The following NGFR variants were observed in gnomAD, a reference collection of about 807,000 sequenced individuals.
NGFR encodes nerve growth factor receptor, also known as tumor necrosis factor receptor superfamily member 16.
NGFR carries 30 observed loss-of-function variants against 43.2 expected under a neutral mutation model. That is an observed-to-expected ratio of 0.69 (90% CI 0.52 to 0.94). NGFR has a LOEUF of 0.94. NGFR is among the 40% of genes least tolerant of loss of function. The pLI is 0.00. For synonymous variants in NGFR, 246 were observed against 259.6 expected, an observed-to-expected ratio of 0.95 and a Z score of 0.50; for missense variants, 529 against 602.5, an observed-to-expected ratio of 0.88 and a Z score of 1.28.
chr17:49,506,103 C>T, intron 2 of NGFR, 196 bp from the exon 3 acceptor site: 1 of 1,117,314 alleles, frequency 9.0e-7, no homozygotes, highest in Non-Finnish European at 1.2e-6. Flanking sequence ...CGGGCCTCCT[C>T]CCCCTTTCCC....
intron 3 of NGFR, among the ~76,000 whole-genome samples, chr17:49,509,872 G>A (rs895659282): frequency 3.3e-5 from 5 of 152,214 alleles, no homozygotes; most frequent in Non-Finnish European, 7.3e-5. Flanking sequence ...GGGAGGTGGT[G>A]TGGGGGAAGC....
rs2071142449 is a variant in NGFR at position 49,497,034 on chromosome 17, C to A, written c.66+1551C>A. On this transcript the variant is annotated intron_variant, in intron 1 of 5. Coordinates refer to ENST00000172229, the MANE Select transcript of NGFR (RefSeq NM_002507.4). ...GGCTCTGAGAGTTTAAACGACTTGG[C>A]CAAGATCTCACAGCAAGTTGGGCCA... The A allele has an allele frequency of 2.0e-5, 3 of 152,334 alleles. No individual in the cohort carries two copies. The South Asian group carries it at 6.2e-4, about 32-fold the overall frequency. 9.4% of individuals were successfully genotyped at this position (152,334 alleles called of 1,614,324 possible). A position where few individuals can be genotyped will look rare whatever the true frequency, so the allele number is the denominator to read the frequency against.
intron 1 of NGFR, among the ~76,000 whole-genome samples, chr17:49,499,224 G>T (rs1469394925): frequency 6.6e-6 from 1 of 152,154 alleles, no homozygotes; most frequent in Non-Finnish European, 1.5e-5. Flanking sequence ...CTGCAGCAGG[G>T]AGAACAGGTT....
Position 49,512,986 on chromosome 17 carries a change from T to C in NGFR, c.1261T>C (p.Ser421Pro). 1 of 1,585,736 alleles carries C rather than the reference T, an allele frequency of 6.3e-7. No individual in the cohort carries two copies. Among genetic ancestry groups the C allele is most frequent in the South Asian group, 1.1e-5 (1 of 88,446 alleles). The change falls in exon 6 of 6, where the codon TCC becomes CCC. Residue 421 changes from serine (S) to proline (P), a missense_variant. Coordinates refer to ENST00000172229, the MANE Select transcript of NGFR (RefSeq NM_002507.4). This position sits in a 1 kb window ranked among gnomAD's most constrained non-coding sequence, Gnocchi z 5.2. ...ADLVESLCSESTATSPV is the reference protein window; with the variant it reads ...ADLVESLCSEPTATSPV ...CCTCGTGGAGAGTCTGTGCAGTGAG[T>C]CCACTGCCACATCCCCGGTGTGAGC... is the stretch of plus-strand genomic sequence containing the variant.
chr17:49,499,879 G>A (rs113677993), intron 1 of NGFR, among the ~76,000 whole-genome samples: 38 of 152,272 alleles, frequency 2.5e-4, no homozygotes, highest in African/African-American at 8.9e-4. Flanking sequence ...AAGCCACCAC[G>A]CCCGGCCGGC....
At chr17:49,501,416 T>A (rs554744312) in intron 1 of NGFR, among the ~76,000 whole-genome samples, 6 of 152,330 alleles carry the variant, frequency 3.9e-5, no homozygotes, top group African/African-American at 1.4e-4. Flanking sequence ...TGTAGAGAAA[T>A]GAAGACTCAG....
rs1403035198 is a variant in NGFR at position 49,502,383 on chromosome 17, G to A, written c.208+179G>A. Among the ~76,000 whole-genome samples the A allele has an allele frequency of 2.0e-5, 3 of 152,086 alleles. No individual in the cohort carries two copies. In the East Asian group the frequency reaches 5.8e-4, roughly 29 times the overall value. ...GCGCTTCTCCCAGATTCGAGAAGCT[G>A]AGAATGGAGAAGGGAAGTGTGCAGA... is the stretch of plus-strand genomic sequence containing the variant. On this transcript the variant is annotated intron_variant, in intron 2 of 5. Coordinates refer to ENST00000172229, the MANE Select transcript of NGFR (RefSeq NM_002507.4).
chr17:49,500,138 T>C (rs923253075), intron 1 of NGFR, among the ~76,000 whole-genome samples: 2 of 151,906 alleles, frequency 1.3e-5, no homozygotes, highest in African/African-American at 4.8e-5. Flanking sequence ...TTCCCTGTAT[T>C]GCAGCCCAGA....
chr17:49,511,797 G>A (rs1213959977), intron 4 of NGFR, 95 bp from the exon 5 acceptor site: 1 of 1,390,184 alleles, frequency 7.2e-7, no homozygotes, highest in Admixed American at 3.1e-5. Context: ...CACCCGCCAT[G>A]CCCCTGGCCC....
intron 1 of NGFR, 64 bp from the exon 2 acceptor site, chr17:49,501,999 A>ACGGGCC: frequency 3.0e-6 from 1 of 330,984 alleles, no homozygotes; most frequent in Non-Finnish European, 5.9e-6. Flanking sequence ...TCCCCGGAAG[A>ACGGGCC]ACCCCCCCCA....
chr17:49,504,769 C>CTTTTTTTTTTTT (rs67010321), intron 2 of NGFR, among the ~76,000 whole-genome samples: 4 of 110,930 alleles, frequency 3.6e-5, no homozygotes, highest in East Asian at 2.3e-4. Flanking sequence ...TTCTTTCTTT[C>CTTTTTTTTTTTT]TTTTTTTTTT....
chr17:49,507,455 C>G (rs1164920538), intron 3 of NGFR, among the ~76,000 whole-genome samples: 1 of 152,202 alleles, frequency 6.6e-6, no homozygotes, highest in Non-Finnish European at 1.5e-5. Context: ...GCAGTGCATG[C>G]TCGTGGCTGT....
In NGFR at chr17:49,506,424, G is replaced by A; in HGVS notation, c.334G>A (p.Gly112Ser). ...CGACGCCGTGTGCCGCTGCGCCTAC[G>A]GCTACTACCAGGATGAGACGACTGG... ...ADDAVCRCAY[G>S]YYQDETTGRC... The change falls in exon 3 of 6, where the codon GGC becomes AGC. Residue 112 changes from glycine to serine, a missense_variant. By Grantham distance (56) the Gly-to-Ser change is moderately conservative. Coordinates refer to ENST00000172229, the MANE Select transcript of NGFR (RefSeq NM_002507.4). The A allele has an allele frequency of 6.2e-7, 1 of 1,606,514 alleles. No homozygotes were observed. The highest frequency in any genetic ancestry group is 8.5e-7 in the Non-Finnish European group (1 of 1,178,642).
chr17:49,509,203 A>C (rs906958225), intron 3 of NGFR, among the ~76,000 whole-genome samples: 3 of 150,248 alleles, frequency 2.0e-5, no homozygotes, highest in African/African-American at 4.9e-5. Context: ...AAGGTGCTGA[A>C]AACGGGCCTT....
At chr17:49,497,616 G>C (rs1026762221) in intron 1 of NGFR, 66 of 152,454 alleles carry the variant, frequency 4.3e-4, no homozygotes, top group African/African-American at 1.6e-3. Flanking sequence ...GTCTGGGATG[G>C]CTGTGCGCGG....
chr17:49,511,688 C>G (rs913961380), intron 4 of NGFR, among the ~76,000 whole-genome samples: 4 of 152,188 alleles, frequency 2.6e-5, no homozygotes, highest in African/African-American at 9.7e-5. Context: ...TTACTGAACA[C>G]TTACAGAGGG....
chr17:49,503,046 G>A (rs1360182002), intron 2 of NGFR, among the ~76,000 whole-genome samples: 1 of 152,096 alleles, frequency 6.6e-6, no homozygotes, highest in African/African-American at 2.4e-5. Context: ...CTCCTGAGTA[G>A]CTGGGACTAC....
In NGFR at chr17:49,513,029, G is replaced by A. The variant is rs772425622; in HGVS notation, c.*20G>A. 21 of 1,492,372 alleles carry A rather than the reference G, an allele frequency of 1.4e-5. No individual in the cohort carries two copies. The highest frequency in any genetic ancestry group is 9.2e-5 in the South Asian group (7 of 76,104). 92.4% of individuals were successfully genotyped at this position (1,492,372 alleles called of 1,614,324 possible). ...GTGTGAGCCCAACCGGGGAGCCCCC[G>A]CCCCGCCCCACATTCCGACAACCGA... On this transcript the variant is annotated 3_prime_UTR_variant, in exon 6 of 6. Transcript: ENST00000172229.
chr17:49,495,361 C>A lies in NGFR; in HGVS notation c.-57C>A, dbSNP rs903003500. On this transcript the variant is annotated 5_prime_UTR_variant, in exon 1 of 6. Transcript: ENST00000172229. The surrounding 1 kb of genome is among the most constrained non-coding windows in gnomAD (Gnocchi z 6.4). ...GCTGGAGCGCAGCGCAGCGCAGCCCCATCAGTCCGCAAAGCGGACCGAGCT... is the reference window on the plus strand; with the variant it reads ...GCTGGAGCGCAGCGCAGCGCAGCCCAATCAGTCCGCAAAGCGGACCGAGCT... The A allele has an allele frequency of 8.5e-7, 1 of 1,177,588 alleles. No individual in the cohort carries two copies. The highest frequency in any genetic ancestry group is 4.2e-5 in the Admixed American group (1 of 23,554). The allele number at this position is 1,177,588 out of a possible 1,614,324, so 72.9% of individuals were successfully genotyped here. A position where few individuals can be genotyped will look rare whatever the true frequency, so the allele number is the denominator to read the frequency against.
Sources: allele counts gnomAD v4.1 joint callset (sites outside exome capture counted in the v4.1 genomes callset), GRCh38; gene constraint gnomAD v4.1.1; non-coding constraint Gnocchi (gnomAD v3.1); transcripts MANE v1.5; gene names NCBI Gene and HGNC (gene_info 2026-07-23, HGNC 2026-07-21).